The following AARS2 variants were observed in gnomAD, a reference collection of about 807,000 sequenced individuals.
AARS2 encodes alanine--tRNA ligase, mitochondrial.
Under a neutral mutation model 119.7 loss-of-function variants are expected in AARS2, and 78 were observed. The observed-to-expected ratio is 0.65, with a 90% CI of 0.54 to 0.79. AARS2 has a LOEUF of 0.79. Among genes scored for constraint, AARS2 ranks in the 30% least tolerant of loss-of-function variants. AARS2 has a pLI of 0.00. For synonymous variants in AARS2, 502 were observed against 526.3 expected, an observed-to-expected ratio of 0.95 and a Z score of 0.63; for missense variants, 1,157 against 1,291.3, an observed-to-expected ratio of 0.90 and a Z score of 1.59.
Position 44,305,743 on chromosome 6 carries a change from G to A in AARS2, c.1344C>T (p.Leu448=), listed in dbSNP as rs754204016. 3 of 1,614,154 alleles carry A rather than the reference G, an allele frequency of 1.9e-6. No individual in the cohort carries two copies. Among genetic ancestry groups the A allele is most frequent in the Admixed American group, 3.3e-5 (2 of 60,020 alleles). The change falls in exon 10 of 22, where the codon CTC becomes CTT. Residue 448 remains leucine (L), a synonymous_variant. Transcript: ENST00000244571. The surrounding 1 kb of genome is among the most constrained non-coding windows in gnomAD (Gnocchi z 4.6). ...GCATCAGCTCTACCATGTCCAAGGG[G>A]AGTCCCAGGTCTCCACACAGTGACA... ...WSLSLCGDLG[L]PLDMVELMLE...
chr6:44,301,248 G>T lies in AARS2; in HGVS notation c.2701C>A (p.Arg901=), dbSNP rs145086947. The T allele has an allele frequency of 1.2e-6, 2 of 1,613,726 alleles. No homozygotes were observed. Among genetic ancestry groups the T allele is most frequent in the East Asian group, 4.5e-5 (2 of 44,888 alleles). ...CTGGGGGCCTGCTCACACAGCTGCCGTACCACCTTCACCAGCACCTGGACC... is the reference window on the plus strand; with the variant it reads ...CTGGGGGCCTGCTCACACAGCTGCCTTACCACCTTCACCAGCACCTGGACC... ...ESLSVLVKVV[R]QLCEQAPSTS... Residue 901 remains arginine, a synonymous_variant, in exon 21 of 22, where the codon CGG becomes AGG. Coordinates refer to ENST00000244571, the MANE Select transcript of AARS2 (RefSeq NM_020745.4).
intron 19 of AARS2, 113 bp downstream of exon 19, chr6:44,301,947 C>G: frequency 9.1e-7 from 1 of 1,094,116 alleles, no homozygotes; most frequent in South Asian, 1.3e-5. Context: ...AAGCTGCCAC[C>G]ACCCCGTCCT....
At chr6:44,301,615 C>T (rs1257325922) in intron 19 of AARS2, 151 bp from the exon 20 acceptor site, 1 of 774,858 alleles carries the variant, frequency 1.3e-6, no homozygotes, top group East Asian at 2.6e-5. Flanking sequence ...GGCAGGGACT[C>T]TGCCTAGGGT....
chr6:44,310,960 C>T, intron 4 of AARS2, 34 bp downstream of exon 4: 1 of 1,613,382 alleles, frequency 6.2e-7, no homozygotes, highest in Non-Finnish European at 8.5e-7. Flanking sequence ...CACTTCTAGT[C>T]AGGGATTCTC....
In AARS2 at chr6:44,303,191, G is replaced by T. The variant is rs1266546535; in HGVS notation, c.2146-16C>A. 5.6e-6 allele frequency: 9 copies of T among 1,613,944 alleles called. No individual in the cohort carries two copies. The East Asian group carries it at 6.7e-5, about 12-fold the overall frequency. ...CTGGGTAAACCTGAGGTCAAGAGGGGACAGGCCCGTTAACTGCCAAAGGAG... is the reference window on the plus strand; with the variant it reads ...CTGGGTAAACCTGAGGTCAAGAGGGTACAGGCCCGTTAACTGCCAAAGGAG... On this transcript the variant is annotated splice_polypyrimidine_tract_variant and intron_variant, in intron 15 of 21. Transcript: ENST00000244571.
At position 44,302,692 on chromosome 6, in the gene AARS2, A is replaced by T; in HGVS notation, c.2364+110T>A. ...GCTGATATGGCCACATTGGTGTCCA[A>T]GTATGAACACTGGCTCTGCTGCTGG... On this transcript the variant is annotated intron_variant, in intron 17 of 21. Coordinates refer to ENST00000244571, the MANE Select transcript of AARS2 (RefSeq NM_020745.4). The T allele has an allele frequency of 2.1e-6, 3 of 1,448,022 alleles. No homozygotes were observed. In the South Asian group the frequency reaches 3.6e-5, roughly 17 times the overall value. 89.7% of individuals were successfully genotyped at this position (1,448,022 alleles called of 1,614,324 possible).
chr6:44,302,665 T>C (rs1785457602), intron 17 of AARS2, 137 bp downstream of exon 17: 1 of 1,464,806 alleles, frequency 6.8e-7, no homozygotes. Flanking sequence ...CAGCTGCCAA[T>C]AGCTGATATG....
rs548185310 is a variant in AARS2 at position 44,299,011 on chromosome 6, C to G, written c.*1536G>C. Among the ~76,000 whole-genome samples, 23 of 152,306 alleles carry G rather than the reference C, an allele frequency of 1.5e-4. No homozygotes were observed. Among genetic ancestry groups the G allele is most frequent in the Middle Eastern group, 3.4e-3 (1 of 294 alleles). On this transcript the variant is annotated 3_prime_UTR_variant, in exon 22 of 22. Coordinates refer to ENST00000244571, the MANE Select transcript of AARS2 (RefSeq NM_020745.4). Reference sequence around the variant, plus strand: ...AATAAGCATATTGTTTGTCTGACCCCGCTCTCCAGCCTCCTCACCTGCCCC... The same window carrying G: ...AATAAGCATATTGTTTGTCTGACCCGGCTCTCCAGCCTCCTCACCTGCCCC...
rs780639922 is a variant in AARS2, at chr6:44,304,724, AGGAGGCCACAGCGCTGGCCTTTCCCCAC to A, written c.1645_1672del (p.Val549SerfsTer33). ...TGCGTAGAAGTTGGTCCTGTCCAAGAGGAGGCCACAGCGCTGGCCTTTCCCCACGGAGGCCACTGCTGTCCCGTCCTCT... is the reference window on the plus strand; with the variant it reads ...TGCGTAGAAGTTGGTCCTGTCCAAGAGGAGGCCACTGCTGTCCCGTCCTCT... On this transcript the variant is annotated frameshift_variant, in exon 12 of 22. Transcript: ENST00000244571. LOFTEE classifies it high-confidence loss of function. 5 of 1,614,234 alleles carry A rather than the reference AGGAGGCCACAGCGCTGGCCTTTCCCCAC, an allele frequency of 3.1e-6. No homozygotes were observed. Among genetic ancestry groups the A allele is most frequent in the East Asian group, 4.5e-5 (2 of 44,886 alleles).
At chr6:44,303,205 C>A in intron 15 of AARS2, 30 bp from the exon 16 acceptor site, 1 of 1,614,068 alleles carries the variant, frequency 6.2e-7, no homozygotes, top group South Asian at 1.1e-5. Context: ...GGCCCGTTAA[C>A]TGCCAAAGGA....
In AARS2 at chr6:44,301,259, A is replaced by G. The variant is rs554972531; in HGVS notation, c.2690T>C (p.Val897Ala). 2.4e-5 allele frequency: 38 copies of G among 1,613,860 alleles called. No homozygotes were observed. The South Asian group carries it at 4.0e-4, about 17-fold the overall frequency. ...TVSAESLSVL[V>A]KVVRQLCEQA... ...CTCACACAGCTGCCGTACCACCTTC[A>G]CCAGCACCTGGACCACGAAAGACAG... Residue 897 changes from valine (V) to alanine (A), a missense_variant, in exon 21 of 22, where the codon GTG becomes GCG. Coordinates refer to ENST00000244571, the MANE Select transcript of AARS2 (RefSeq NM_020745.4).
chr6:44,300,296 T>A lies in AARS2; in HGVS notation c.*251A>T. On this transcript the variant is annotated 3_prime_UTR_variant, in exon 22 of 22. Coordinates refer to ENST00000244571, the MANE Select transcript of AARS2 (RefSeq NM_020745.4). ...ACCCGGCCAGTGAAATAATTTCTAA[T>A]GTGCAGTCACAGCCATAATTGTCCA... The A allele has an allele frequency of 1.7e-6, 1 of 572,224 alleles. No individual in the cohort carries two copies. The highest frequency in any genetic ancestry group is 3.1e-6 in the Non-Finnish European group (1 of 320,532). 35.4% of individuals were successfully genotyped at this position (572,224 alleles called of 1,614,324 possible). A position where few individuals can be genotyped will look rare whatever the true frequency, so the allele number is the denominator to read the frequency against.
chr6:44,311,571 A>T (rs1195186423), intron 2 of AARS2, 36 bp from the exon 3 acceptor site: 9 of 1,611,198 alleles, frequency 5.6e-6, no homozygotes, highest in Non-Finnish European at 7.6e-6. Context: ...GGGGGGGAAG[A>T]CGGGTGAGAG....
In AARS2 at chr6:44,304,656, C is replaced by T. The variant is rs1028433886; in HGVS notation, c.1741G>A (p.Ala581Thr). ...QASDRGYLVR[A>T]GQEDVLFPVA... ...TGATGGAGACTCACCTCTTGCCCTG[C>T]CCGCACCAGGTAGCCACGGTCTGAA... Residue 581 changes from alanine (A) to threonine (T), a missense_variant, in exon 12 of 22, where the codon GCA (alanine) becomes ACA (threonine). By Grantham distance (58) the Ala-to-Thr change is moderately conservative. Coordinates refer to ENST00000244571, the MANE Select transcript of AARS2 (RefSeq NM_020745.4). 6.2e-7 allele frequency: 1 copy of T among 1,614,248 alleles called. No individual in the cohort carries two copies.
In AARS2 at chr6:44,299,512, A is replaced by G. The variant is rs1264513602; in HGVS notation, c.*1035T>C. The G allele has an allele frequency of 1.3e-5, 2 of 151,202 alleles. No individual in the cohort carries two copies. Among genetic ancestry groups the G allele is most frequent in the Non-Finnish European group, 2.9e-5 (2 of 67,802 alleles). The allele number at this position is 151,202 out of a possible 1,614,324, so 9.4% of individuals were successfully genotyped here. A position where few individuals can be genotyped will look rare whatever the true frequency, so the allele number is the denominator to read the frequency against. ...ACTTCTGGCCTCAAGCGATTCTCCA[A>G]CCTCAGCCTCCTAAAATGCCAGGAT... On this transcript the variant is annotated 3_prime_UTR_variant, in exon 22 of 22. Coordinates refer to ENST00000244571, the MANE Select transcript of AARS2 (RefSeq NM_020745.4).
chr6:44,303,225 A>G (rs769504208), intron 15 of AARS2, 50 bp from the exon 16 acceptor site: 29 of 1,613,894 alleles, frequency 1.8e-5, no homozygotes, highest in Non-Finnish European at 2.5e-5. Context: ...AGAAGGATAA[A>G]GCCTCCAGGT....
Position 44,310,466 on chromosome 6 carries a change from G to GT in AARS2, c.750-24dup, listed in dbSNP as rs756790776. 4 of 1,612,062 alleles carry GT rather than the reference G, an allele frequency of 2.5e-6. No individual in the cohort carries two copies. In the Admixed American group the frequency reaches 6.7e-5, roughly 27 times the overall value. The stretch of plus-strand genomic sequence containing the variant: ...TCTCTGGCCAGGGAAGGTGTGCAAG[G>GT]TGAGGCCCCACCCAGGATTACAGGT... On this transcript the variant is annotated intron_variant, in intron 4 of 21. Transcript: ENST00000244571.
chr6:44,308,726 A>C (rs1786084527), intron 5 of AARS2, among the ~76,000 whole-genome samples: 1 of 151,994 alleles, frequency 6.6e-6, no homozygotes, highest in African/African-American at 2.4e-5. Flanking sequence ...CAGCCTCCCA[A>C]GTGGCTGGGA....
intron 21 of AARS2, 161 bp from the exon 22 acceptor site, chr6:44,300,872 G>T: frequency 1.1e-6 from 1 of 948,772 alleles, no homozygotes; most frequent in Non-Finnish European, 1.6e-6. Context: ...GTTTGGGCTG[G>T]AAATGTGTGT....
Sources: allele counts gnomAD v4.1 joint callset (sites outside exome capture counted in the v4.1 genomes callset), GRCh38; gene constraint gnomAD v4.1.1; non-coding constraint Gnocchi (gnomAD v3.1); transcripts MANE v1.5; gene names NCBI Gene and HGNC (gene_info 2026-07-23, HGNC 2026-07-21).